The following CAPRIN2 variants were observed in gnomAD, a reference collection of about 807,000 sequenced individuals.
The protein encoded by CAPRIN2 is caprin-2.
A neutral mutation model predicts 130.4 loss-of-function variants in CAPRIN2; 66 were observed. The observed-to-expected ratio is 0.51, with a 90% confidence interval of 0.42 to 0.62. CAPRIN2 has a LOEUF of 0.62. Among genes scored for constraint, CAPRIN2 ranks in the 20% least tolerant of loss-of-function variants. The pLI is 0.00. For synonymous variants in CAPRIN2, 471 were observed against 444.1 expected (o/e 1.06, Z -0.76); for missense variants, 1,185 against 1,246.6 (o/e 0.95, Z 0.74).
intron 3 of CAPRIN2, among the ~76,000 whole-genome samples, chr12:30,738,283 T>C (rs1196786089): frequency 6.6e-6 from 1 of 151,202 alleles, no homozygotes; most frequent in Non-Finnish European, 1.5e-5. Context: ...AGTTGGGAGC[T>C]ACCTCTAGAC....
chr12:30,750,783 C>A (rs2073373997), intron 2 of CAPRIN2, among the ~76,000 whole-genome samples: 1 of 152,160 alleles, frequency 6.6e-6, no homozygotes. Context: ...TCCACTCTGG[C>A]ACATAAGTTT....
intron 12 of CAPRIN2, among the ~76,000 whole-genome samples, chr12:30,718,685 C>T (rs1374629157): frequency 6.6e-6 from 1 of 152,112 alleles, no homozygotes; most frequent in African/African-American, 2.4e-5. Flanking sequence ...GACAGAACAC[C>T]CAAGTATGTG....
rs1279964848 is a variant in CAPRIN2, at chr12:30,733,711, A to G, written c.810T>C (p.Ser270=). The G allele has an allele frequency of 1.9e-6, 3 of 1,612,290 alleles. No individual in the cohort carries two copies. The Admixed American group carries it at 5.0e-5, about 27-fold the overall frequency. The change falls in exon 5 of 17, where the codon AGT becomes AGC. Residue 270 remains serine, a splice_region_variant and synonymous_variant. Transcript: ENST00000298892. The stretch of plus-strand genomic sequence containing the variant: ...ATGACTGCTCCATCTGGTCTTCAAC[A>G]CTGACAAGGAAAAGCAGCAGCAGAA...
At chr12:30,732,856 C>T (rs1052446350) in intron 5 of CAPRIN2, among the ~76,000 whole-genome samples, 13 of 152,044 alleles carry the variant, frequency 8.6e-5, no homozygotes, top group Non-Finnish European at 1.5e-4. Flanking sequence ...TTTATCTTAG[C>T]TAGAAGACTA....
chr12:30,726,230 C>A (rs2137504152), intron 8 of CAPRIN2, 142 bp from the exon 10 acceptor site: 1 of 630,694 alleles, frequency 1.6e-6, no homozygotes, highest in Non-Finnish European at 2.3e-6. Context: ...CTCATAAATA[C>A]CTTTTCTAAA....
chr12:30,729,250 A>G (rs1330065064), exon 8 of CAPRIN2: 1 of 1,611,362 alleles, frequency 6.2e-7, no homozygotes, highest in Admixed American at 1.7e-5. Flanking sequence ...TTTCTAGCAT[A>G]ATCTGCTTCC....
intron 3 of CAPRIN2, 36 bp from the exon 5 acceptor site, chr12:30,735,242 C>T (rs531666063): frequency 1.4e-6 from 2 of 1,479,642 alleles, no homozygotes; most frequent in East Asian, 4.5e-5. Context: ...GGTAACAATT[C>T]TCTACCATCC....
Position 30,719,230 on chromosome 12 carries a change from G to C in CAPRIN2, c.2148+1581C>G, listed in dbSNP as rs1268685894. On this transcript the variant is annotated intron_variant, in intron 12 of 16. Transcript: ENST00000298892. ...CTTGCCTGGGGGAATTGCTGCCTGG[G>C]GAGGAGAAATGCAGCATCAGCCAAT... is the stretch of plus-strand genomic sequence containing the variant. 2.4e-5 allele frequency: 38 copies of C among 1,613,458 alleles called. No homozygotes were observed. The highest frequency in any genetic ancestry group is 3.2e-5 in the Non-Finnish European group (38 of 1,179,716).
chr12:30,733,822 T>C (rs2063539985), intron 4 of CAPRIN2, 111 bp from the exon 6 acceptor site: 1 of 733,038 alleles, frequency 1.4e-6, no homozygotes, highest in East Asian at 2.5e-5. Flanking sequence ...CAAATGTTAA[T>C]TTTGTCTTTT....
At chr12:30,753,605 T>A in exon 1 of CAPRIN2, 1 of 1,614,116 alleles carries the variant, frequency 6.2e-7, no homozygotes, top group Non-Finnish European at 8.5e-7. Flanking sequence ...TTGAAACAGA[T>A]GAGGCTGAAG....
chr12:30,750,817 G>A (rs766650545), intron 2 of CAPRIN2, among the ~76,000 whole-genome samples: 8 of 152,030 alleles, frequency 5.3e-5, no homozygotes, highest in East Asian at 3.9e-4. Flanking sequence ...ATGTTAACTC[G>A]TAGTGACAGT....
At chr12:30,741,478 G>C (rs1348390887) in intron 2 of CAPRIN2, among the ~76,000 whole-genome samples, 1 of 152,238 alleles carries the variant, frequency 6.6e-6, no homozygotes, top group East Asian at 1.9e-4. Context: ...GTGAGTATCA[G>C]AGAGATGAAC....
exon 1 of CAPRIN2, chr12:30,753,805 G>T (rs759638982): frequency 2.0e-6 from 3 of 1,532,108 alleles, no homozygotes; most frequent in Non-Finnish European, 2.6e-6. Context: ...AATAAGGATA[G>T]CCTTTACATA....
rs577715375 is a variant in CAPRIN2 at position 30,733,101 on chromosome 12, C to A, written c.892+528G>T. Among the ~76,000 whole-genome samples, 5 of 152,136 alleles carry A rather than the reference C, an allele frequency of 3.3e-5. No individual in the cohort carries two copies. The South Asian group carries it at 1.0e-3, about 32-fold the overall frequency. On this transcript the variant is annotated intron_variant, in intron 5 of 16. Coordinates refer to ENST00000298892, the Ensembl canonical transcript of CAPRIN2. Reference sequence around the variant, plus strand: ...GAGTTTTCATTACTCTAAGCTAGTACACAAAGCTATGTACTTCATGTCCAG... The same window carrying A: ...GAGTTTTCATTACTCTAAGCTAGTAAACAAAGCTATGTACTTCATGTCCAG...
At chr12:30,753,356 G>T in exon 1 of CAPRIN2, 2 of 1,602,238 alleles carry the variant, frequency 1.2e-6, no homozygotes, top group Admixed American at 1.7e-5. Context: ...TCTTTTTCTC[G>T]ATGTTTCTAA....
upstream of CAPRIN2, chr12:30,754,573 G>T (rs1342787689): frequency 6.6e-6 from 1 of 152,184 alleles, no homozygotes; most frequent in Non-Finnish European, 1.5e-5. Flanking sequence ...AGGCCCCGGG[G>T]GAGGCTGACC....
At chr12:30,739,830 A>G (rs755330383) in intron 3 of CAPRIN2, among the ~76,000 whole-genome samples, 10 of 152,318 alleles carry the variant, frequency 6.6e-5, no homozygotes, top group South Asian at 2.1e-4. Context: ...GTGGAGCTGC[A>G]TAAGTGCCTG....
Position 30,723,273 on chromosome 12 carries a change from G to A in CAPRIN2, c.2029C>T (p.Gln677Ter). 6.2e-7 allele frequency: 1 copy of A among 1,611,454 alleles called. No individual in the cohort carries two copies. The highest frequency in any genetic ancestry group is 1.3e-5 in the African/African-American group (1 of 74,996). ...TGGAAAGTTACCTGTAACGGCTCTT[G>A]AAGAAAATCACTTTGACTGGACAGA... is the stretch of plus-strand genomic sequence containing the variant. Residue 677 changes from glutamine to a stop codon, truncating the protein, a stop_gained, in exon 11 of 17, where the codon CAA becomes TAA. Coordinates refer to ENST00000298892, the Ensembl canonical transcript of CAPRIN2. LOFTEE classifies it high-confidence loss of function.
At chr12:30,735,090 C>T (rs1361824546) in exon 4 of CAPRIN2, 1 of 1,614,070 alleles carries the variant, frequency 6.2e-7, no homozygotes, top group East Asian at 2.2e-5. Flanking sequence ...GTACGTGCTC[C>T]TGTGTCAAGT....
Sources: gnomAD v4.1 joint callset for allele counts (sites outside exome capture counted in the v4.1 genomes callset) on GRCh38, gnomAD v4.1.1 for gene constraint, MANE v1.5 for transcripts, NCBI Gene and HGNC (gene_info 2026-07-23, HGNC 2026-07-21) for gene names.